The following TDRD5 variants were observed in gnomAD, a reference collection of about 807,000 sequenced individuals.
TDRD5 encodes the protein tudor domain containing 5, also known as tudor domain-containing protein 5.
In TDRD5, 41 loss-of-function variants were observed where a neutral mutation model predicts 120.6. The ratio of observed to expected loss-of-function variants is 0.34; its 90% CI spans 0.26 to 0.44. TDRD5 has a LOEUF of 0.44. Ranked by LOEUF, TDRD5 falls within the 20% of genes least tolerant of loss-of-function variation. The pLI is 1.00. For synonymous variants in TDRD5, 430 were observed against 433.7 expected (o/e 0.99, Z 0.11); for missense variants, 1,006 against 1,221.2 (o/e 0.82, Z 2.63).
chr1:179,627,248 T>C (rs966081089), intron 6 of TDRD5, among the ~76,000 whole-genome samples: 2 of 152,146 alleles, frequency 1.3e-5, no homozygotes, highest in Non-Finnish European at 2.9e-5. Flanking sequence ...CTGAGGAATC[T>C]ACTGGAGAAT....
intron 4 of TDRD5, among the ~76,000 whole-genome samples, chr1:179,605,977 G>A (rs1675957965): frequency 6.6e-6 from 1 of 152,008 alleles, no homozygotes; most frequent in Non-Finnish European, 1.5e-5. Context: ...TTGCTAAATT[G>A]TCAGATAAAG....
At chr1:179,641,613 G>T (rs1233223634) in intron 11 of TDRD5, among the ~76,000 whole-genome samples, 1 of 152,146 alleles carries the variant, frequency 6.6e-6, no homozygotes, top group Non-Finnish European at 1.5e-5. Context: ...GAAATTTGGT[G>T]TATGTTTCTT....
chr1:179,601,963 G>A (rs11807084), intron 4 of TDRD5, among the ~76,000 whole-genome samples: 2 of 152,248 alleles, frequency 1.3e-5, no homozygotes, highest in East Asian at 1.9e-4. Context: ...ACGCCATCAC[G>A]CCCAGGTAAT....
chr1:179,674,625 T>C (rs991463800), intron 17 of TDRD5, among the ~76,000 whole-genome samples: 5 of 152,196 alleles, frequency 3.3e-5, no homozygotes, highest in African/African-American at 1.2e-4. Flanking sequence ...GTACCAATTC[T>C]TCTTTAAATG....
At chr1:179,608,535 A>AT (rs1362104829) in intron 4 of TDRD5, among the ~76,000 whole-genome samples, 1 of 152,096 alleles carries the variant, frequency 6.6e-6, no homozygotes, top group African/African-American at 2.4e-5. Context: ...TTTCTCCAGA[A>AT]TGTAACCTAA....
chr1:179,659,590 T>TGTGTGTGC (rs1222748814), intron 14 of TDRD5, among the ~76,000 whole-genome samples: 3 of 67,162 alleles, frequency 4.5e-5, no homozygotes, highest in South Asian at 4.9e-4. Context: ...TGTGTGTGTG[T>TGTGTGTGC]GCGCGCGCTT....
At chr1:179,610,015 C>G (rs1676199566) in intron 4 of TDRD5, among the ~76,000 whole-genome samples, 2 of 152,136 alleles carry the variant, frequency 1.3e-5, no homozygotes, top group African/African-American at 4.8e-5. Flanking sequence ...TGAAAGCTCT[C>G]CAGACTGTAA....
chr1:179,661,228 A>AT (rs1191049666), intron 14 of TDRD5, among the ~76,000 whole-genome samples: 1 of 152,076 alleles, frequency 6.6e-6, no homozygotes, highest in Non-Finnish European at 1.5e-5. Flanking sequence ...CTTTCACCAA[A>AT]TTTTGGATGT....
chr1:179,683,355 C>G (rs2147813404), intron 17 of TDRD5, among the ~76,000 whole-genome samples: 1 of 152,244 alleles, frequency 6.6e-6, no homozygotes, highest in East Asian at 1.9e-4. Flanking sequence ...AGAAATTTTG[C>G]TACTCTTAAA....
rs187017005 is a variant in TDRD5 at position 179,672,023 on chromosome 1, G to A, written c.2860+2619G>A. On this transcript the variant is annotated intron_variant, in intron 17 of 17. Coordinates refer to ENST00000444136, the MANE Select transcript of TDRD5 (RefSeq NM_001199085.3). ...CATTTTCTTTATCCACTCATTGATT[G>A]ATGGGCATTTGAGCTGGTTCCATGT... Among the ~76,000 whole-genome samples the A allele has an allele frequency of 4.0e-5, 6 of 149,212 alleles. No homozygotes were observed. The East Asian group carries it at 1.0e-3, about 25-fold the overall frequency.
chr1:179,629,523 G>T (rs1248542181), intron 6 of TDRD5, among the ~76,000 whole-genome samples: 2 of 152,160 alleles, frequency 1.3e-5, no homozygotes, highest in Admixed American at 1.3e-4. Flanking sequence ...TTTAGATGTA[G>T]CAGGTTTTGT....
chr1:179,654,058 C>T, intron 13 of TDRD5, 143 bp from the exon 14 acceptor site: 1 of 617,052 alleles, frequency 1.6e-6, no homozygotes, highest in East Asian at 3.1e-5. Context: ...GATGGGAAGA[C>T]CTAGGATCAT....
chr1:179,626,526 G>A lies in TDRD5; in HGVS notation c.973-4241G>A, dbSNP rs192967802. Among the ~76,000 whole-genome samples the A allele has an allele frequency of 6.1e-4, 93 of 152,248 alleles. 2 individuals carry two copies. Among genetic ancestry groups the A allele is most frequent in the African/African-American group, 2.2e-3 (91 of 41,544 alleles). On this transcript the variant is annotated intron_variant, in intron 6 of 17. Coordinates refer to ENST00000444136, the MANE Select transcript of TDRD5 (RefSeq NM_001199085.3). ...ACTTAAGTTGTGTGCATTTCACTGC[G>A]TGTAAATTTTACCTAAAAGTGAACA... is the stretch of plus-strand genomic sequence containing the variant.
chr1:179,654,805 T>TA (rs1200597425), intron 14 of TDRD5, among the ~76,000 whole-genome samples: 1 of 151,984 alleles, frequency 6.6e-6, no homozygotes, highest in Admixed American at 6.6e-5. Context: ...AATGTGTTCA[T>TA]AGTAACCAAG....
chr1:179,689,707 C>T (rs538606917), intron 17 of TDRD5, among the ~76,000 whole-genome samples: 3 of 152,298 alleles, frequency 2.0e-5, no homozygotes, highest in East Asian at 1.9e-4. Flanking sequence ...CCACTCAATT[C>T]GAGCTTCCTG....
Position 179,663,396 on chromosome 1 carries a change from C to T in TDRD5, c.2554C>T (p.Pro852Ser). 1.2e-6 allele frequency: 2 copies of T among 1,613,624 alleles called. No homozygotes were observed. The highest frequency in any genetic ancestry group is 1.7e-6 in the Non-Finnish European group (2 of 1,179,838). ...PKDTWDDSWQPSGLVNGTKVE... is the reference protein window; with the variant it reads ...PKDTWDDSWQSSGLVNGTKVE... ...AGATACATGGGATGATTCTTGGCAGCCTTCAGGCCTTGTAAATGGAACGAA... is the reference window on the plus strand; with the variant it reads ...AGATACATGGGATGATTCTTGGCAGTCTTCAGGCCTTGTAAATGGAACGAA... The change falls in exon 16 of 18, where the codon CCT becomes TCT. Residue 852 changes from proline (P) to serine (S), a missense_variant. Physicochemically the swap from Pro to Ser is moderately conservative, Grantham distance 74. This residue lies in a region of TDRD5 where 403 missense variants were observed against 448.1 expected (regional missense o/e 0.90). Coordinates refer to ENST00000444136, the MANE Select transcript of TDRD5 (RefSeq NM_001199085.3).
At chr1:179,612,055 A>C (rs2101947656) in intron 4 of TDRD5, among the ~76,000 whole-genome samples, 1 of 152,336 alleles carries the variant, frequency 6.6e-6, no homozygotes. Flanking sequence ...GTGTTCCCTC[A>C]AAACTCTACA....
chr1:179,605,074 T>C (rs1675902750), intron 4 of TDRD5, among the ~76,000 whole-genome samples: 1 of 152,160 alleles, frequency 6.6e-6, no homozygotes, highest in South Asian at 2.1e-4. Flanking sequence ...TGCATATATG[T>C]TTAGGATTGT....
At chr1:179,615,181 A>G (rs1431794251) in intron 4 of TDRD5, among the ~76,000 whole-genome samples, 1 of 152,158 alleles carries the variant, frequency 6.6e-6, no homozygotes, top group East Asian at 1.9e-4. Context: ...ATTCAGGTCT[A>G]TCTCTGCAAG....
Sources: gnomAD v4.1 joint callset for allele counts (sites outside exome capture counted in the v4.1 genomes callset) on GRCh38, gnomAD v4.1.1 for gene constraint, gnomAD v4.1.1 regional missense constraint, MANE v1.5 for transcripts, NCBI Gene and HGNC (gene_info 2026-07-23, HGNC 2026-07-21) for gene names.